RUBCN: variants seen among roughly 807,000 people sequenced by gnomAD.
RUBCN encodes the protein run domain Beclin-1-interacting and cysteine-rich domain-containing protein.
A neutral mutation model predicts 113.2 loss-of-function variants in RUBCN; 74 were observed. The ratio of observed to expected loss-of-function variants is 0.65; its 90% CI spans 0.54 to 0.79. The LOEUF (loss-of-function observed/expected upper bound fraction) is 0.79, where lower values mean the gene tolerates loss of function less well. Ranked by LOEUF, RUBCN falls within the 30% of genes least tolerant of loss-of-function variation. RUBCN has a pLI of 0.00. For missense variants in RUBCN, 1,109 were observed against 1,251.7 expected, an observed-to-expected ratio of 0.89 and a Z score of 1.72; for synonymous variants, 480 against 490.0, an observed-to-expected ratio of 0.98 and a Z score of 0.27.
At chr3:197,744,381 C>T (rs552750711) in intron 1 of RUBCN, among the ~76,000 whole-genome samples, 5 of 152,202 alleles carry the variant, frequency 3.3e-5, no homozygotes, top group South Asian at 2.1e-4. Context: ...CAATGTAATT[C>T]GCCATATTAA....
At chr3:197,723,922 C>G (rs1726444975) in intron 1 of RUBCN, among the ~76,000 whole-genome samples, 1 of 152,042 alleles carries the variant, frequency 6.6e-6, no homozygotes, top group African/African-American at 2.4e-5. Context: ...TGGAAAAACC[C>G]CGTTCTCTAC....
intron 7 of RUBCN, among the ~76,000 whole-genome samples, chr3:197,699,394 G>A (rs527636251): frequency 1.8e-4 from 27 of 152,366 alleles, no homozygotes; most frequent in Admixed American, 7.2e-4. Context: ...GAAGCTGTGC[G>A]TGACCCATAT....
In RUBCN at chr3:197,670,982, GC is replaced by G. The variant is rs1197428439; in HGVS notation, c.*4035del. 2.0e-5 allele frequency among the ~76,000 whole-genome samples: 3 copies of G among 152,070 alleles called. No individual in the cohort carries two copies. Among genetic ancestry groups the G allele is most frequent in the Admixed American group, 6.6e-5 (1 of 15,260 alleles). On this transcript the variant is annotated 3_prime_UTR_variant, in exon 20 of 20. Coordinates refer to ENST00000296343, the MANE Select transcript of RUBCN (RefSeq NM_014687.4). ...GGGAGGTAGAGGTGGTCACAATCCC[GC>G]CCCTCATGCCACAGTGTGCTGGTGC...
Position 197,682,404 on chromosome 3 carries a change from C to T in RUBCN, c.2126+66G>A, listed in dbSNP as rs554706619. The T allele has an allele frequency of 4.9e-4, 777 of 1,596,430 alleles. 2 individuals carry two copies. The highest frequency in any genetic ancestry group is 5.3e-4 in the Non-Finnish European group (622 of 1,167,370). On this transcript the variant is annotated intron_variant, in intron 14 of 19. Transcript: ENST00000296343. ...TGGAGGCAGGGACAAGTGGGTGAGA[C>T]GAAAACCCTGACAATCCAAAGAGGA...
rs1719600799 is a variant in RUBCN, at chr3:197,669,622, T to C, written c.*5396A>G. Among the ~76,000 whole-genome samples, 1 of 152,216 alleles carries C rather than the reference T, an allele frequency of 6.6e-6. No individual in the cohort carries two copies. The highest frequency in any genetic ancestry group is 2.1e-4 in the South Asian group (1 of 4,836). Reference sequence around the variant, plus strand: ...TTAAGGTCGTGTTAGCTCTCTCTACTCTAAAGTTGCTATTTTCCTCTTTCT... The same window carrying C: ...TTAAGGTCGTGTTAGCTCTCTCTACCCTAAAGTTGCTATTTTCCTCTTTCT... On this transcript the variant is annotated 3_prime_UTR_variant, in exon 20 of 20. Transcript: ENST00000296343.
intron 1 of RUBCN, among the ~76,000 whole-genome samples, chr3:197,743,615 T>C (rs1322255280): frequency 3.9e-5 from 6 of 152,088 alleles, no homozygotes; most frequent in Non-Finnish European, 7.4e-5. Context: ...TGGAAAAAAT[T>C]GAACAGAAAA....
chr3:197,687,913 G>A (rs148833991), intron 11 of RUBCN, among the ~76,000 whole-genome samples: 1 of 152,308 alleles, frequency 6.6e-6, no homozygotes, highest in African/African-American at 2.4e-5. Context: ...CAGCAAGCCA[G>A]GACGTCTGGA....
intron 10 of RUBCN, chr3:197,694,143 G>A (rs543488345): frequency 4.0e-5 from 26 of 652,390 alleles, no homozygotes; most frequent in South Asian, 3.5e-4. Context: ...CACCCGCCTC[G>A]GCCTCCCAAA....
intron 1 of RUBCN, among the ~76,000 whole-genome samples, chr3:197,745,024 C>T (rs889767432): frequency 1.3e-5 from 2 of 152,088 alleles, no homozygotes; most frequent in African/African-American, 4.8e-5. Context: ...GGTGGCTTCA[C>T]ACCTGTAATC....
At chr3:197,690,918 T>C (rs1722350398) in intron 11 of RUBCN, among the ~76,000 whole-genome samples, 1 of 152,234 alleles carries the variant, frequency 6.6e-6, no homozygotes, top group African/African-American at 2.4e-5. Flanking sequence ...CCTGGCTTGT[T>C]GTTCTGGCTT....
chr3:197,737,500 C>T (rs1234156598), upstream of RUBCN, among the ~76,000 whole-genome samples: 2 of 151,684 alleles, frequency 1.3e-5, no homozygotes. Context: ...GAGAGCAACA[C>T]GGCAGATACA....
rs1004523329 is a variant in RUBCN at position 197,671,005 on chromosome 3, G to A, written c.*4013C>T. On this transcript the variant is annotated 3_prime_UTR_variant, in exon 20 of 20. Coordinates refer to ENST00000296343, the MANE Select transcript of RUBCN (RefSeq NM_014687.4). ...CCGCCCCTCATGCCACAGTGTGCTG[G>A]TGCTTTTTTTGTTTTGTTTTGTTTT... Among the ~76,000 whole-genome samples, 5 of 152,078 alleles carry A rather than the reference G, an allele frequency of 3.3e-5. No individual in the cohort carries two copies. Among genetic ancestry groups the A allele is most frequent in the African/African-American group, 1.2e-4 (5 of 41,400 alleles).
chr3:197,747,941 T>A (rs1377235931), intron 1 of RUBCN, among the ~76,000 whole-genome samples: 1 of 151,448 alleles, frequency 6.6e-6, no homozygotes, highest in East Asian at 1.9e-4. Context: ...TTTTTTTTTT[T>A]TTTTATTTGA....
At chr3:197,723,146 AT>A (rs1424151214) in intron 1 of RUBCN, among the ~76,000 whole-genome samples, 1 of 152,074 alleles carries the variant, frequency 6.6e-6, no homozygotes, top group Non-Finnish European at 1.5e-5. Flanking sequence ...TACAAAACAC[AT>A]TTTGTAGTTA....
chr3:197,696,920 A>G (rs891459297), intron 8 of RUBCN, 34 bp downstream of exon 8: 1 of 1,160,420 alleles, frequency 8.6e-7, no homozygotes, highest in Admixed American at 1.7e-5. Context: ...CAGAGAAAAT[A>G]TACAATTTTA....
Position 197,700,925 on chromosome 3 carries a change from CACCTGGGGA to C in RUBCN, c.940_948del (p.Ser314_Gly316del), listed in dbSNP as rs1263463689. 1 of 1,614,112 alleles carries C rather than the reference CACCTGGGGA, an allele frequency of 6.2e-7. No individual in the cohort carries two copies. Among genetic ancestry groups the C allele is most frequent in the Admixed American group, 1.7e-5 (1 of 60,008 alleles). ...AGGTACTCAGGCCCCTCACTGGCAT[CACCTGGGGA>C]ATCATTCTGGCTGCTGACCCAGGAT... On this transcript the variant is annotated inframe_deletion, in exon 7 of 20. Coordinates refer to ENST00000296343, the MANE Select transcript of RUBCN (RefSeq NM_014687.4).
chr3:197,732,667 G>A (rs1580391170), intron 1 of RUBCN, among the ~76,000 whole-genome samples: 1 of 152,198 alleles, frequency 6.6e-6, no homozygotes, highest in African/African-American at 2.4e-5. Context: ...AGGAAACGGA[G>A]GGAAAGTGAA....
rs1215570948 is a variant in RUBCN, at chr3:197,670,459, G to GA, written c.*4558dup. Among the ~76,000 whole-genome samples, 1 of 152,150 alleles carries GA rather than the reference G, an allele frequency of 6.6e-6. No individual in the cohort carries two copies. Among genetic ancestry groups the GA allele is most frequent in the Non-Finnish European group, 1.5e-5 (1 of 68,032 alleles). On this transcript the variant is annotated 3_prime_UTR_variant, in exon 20 of 20. Coordinates refer to ENST00000296343, the MANE Select transcript of RUBCN (RefSeq NM_014687.4). ...CTCTTCAACAGTCTTTCCAATTTTG[G>GA]AATATGATCATCTAAAATCTAAGTT...
Position 197,720,863 on chromosome 3 carries a change from A to G in RUBCN, c.66-2733T>C, listed in dbSNP as rs568860796. Among the ~76,000 whole-genome samples, 7 of 152,160 alleles carry G rather than the reference A, an allele frequency of 4.6e-5. No individual in the cohort carries two copies. In the East Asian group the frequency reaches 1.4e-3, roughly 29 times the overall value. On this transcript the variant is annotated intron_variant, in intron 1 of 19. Transcript: ENST00000296343. ...TTGATCACACAGTAGTTCTATTTTT[A>G]ACTTTTTGAGGAACCTCCAGACTGT...
Sources: gnomAD v4.1 joint callset for allele counts (sites outside exome capture counted in the v4.1 genomes callset) on GRCh38, gnomAD v4.1.1 for gene constraint, MANE v1.5 for transcripts, NCBI Gene and HGNC (gene_info 2026-07-23, HGNC 2026-07-21) for gene names.